Variants in UNC5D observed in about 807,000 individuals in gnomAD.
UNC5D encodes unc-5 netrin receptor D.
A neutral mutation model predicts 105.4 loss-of-function variants in UNC5D; 39 were observed. The observed-to-expected ratio is 0.37, with a 90% CI of 0.29 to 0.48. UNC5D has a LOEUF of 0.48. UNC5D is among the 20% of genes least tolerant of loss of function. The pLI is 0.98. For synonymous variants in UNC5D, 452 were observed against 450.4 expected, an observed-to-expected ratio of 1.00 and a Z score of -0.04; for missense variants, 991 against 1,202.4, an observed-to-expected ratio of 0.82 and a Z score of 2.60.
chr8:35,421,320 A>C (rs1338853445), intron 1 of UNC5D, among the ~76,000 whole-genome samples: 1 of 152,186 alleles, frequency 6.6e-6, no homozygotes, highest in African/African-American at 2.4e-5. Context: ...CTGTACCTGG[A>C]GAGCCAGTGG....
At chr8:35,338,526 T>A (rs1811220892) in intron 1 of UNC5D, among the ~76,000 whole-genome samples, 1 of 152,080 alleles carries the variant, frequency 6.6e-6, no homozygotes, top group Admixed American at 6.5e-5. Context: ...AGGTGTATAC[T>A]TATACTGAGA....
At chr8:35,557,921 C>G (rs559230823) in intron 2 of UNC5D, among the ~76,000 whole-genome samples, 62 of 152,126 alleles carry the variant, frequency 4.1e-4, no homozygotes, top group South Asian at 2.5e-3. Context: ...CACCTGAGAT[C>G]AGAAGTTCAA....
intron 1 of UNC5D, among the ~76,000 whole-genome samples, chr8:35,320,966 T>C (rs1444883992): frequency 1.3e-5 from 2 of 152,270 alleles, no homozygotes; most frequent in East Asian, 3.9e-4. Flanking sequence ...TCTCTCCTGA[T>C]TTGTCCTTTT....
At chr8:35,775,829 G>A (rs1802221101) in intron 16 of UNC5D, among the ~76,000 whole-genome samples, 2 of 152,076 alleles carry the variant, frequency 1.3e-5, no homozygotes, top group Admixed American at 1.3e-4. Context: ...GGCTCAGAGA[G>A]GAAAGTCAAG....
At chr8:35,593,122 A>G (rs1819282168) in intron 3 of UNC5D, among the ~76,000 whole-genome samples, 1 of 152,060 alleles carries the variant, frequency 6.6e-6, no homozygotes, top group Admixed American at 6.5e-5. Flanking sequence ...ATAAATAGAT[A>G]TGTATGTATT....
At chr8:35,280,298 A>T (rs563075103) in intron 1 of UNC5D, among the ~76,000 whole-genome samples, 1 of 152,254 alleles carries the variant, frequency 6.6e-6, no homozygotes, top group South Asian at 2.1e-4. Context: ...TTCTTTATTG[A>T]GGTGGATCTG....
At chr8:35,335,854 C>G (rs1810991767) in intron 1 of UNC5D, among the ~76,000 whole-genome samples, 1 of 149,590 alleles carries the variant, frequency 6.7e-6, no homozygotes, top group African/African-American at 2.5e-5. Context: ...AGCTCCGCCT[C>G]CCGGGTTCAT....
chr8:35,628,435 A>G (rs1404424187), intron 4 of UNC5D, among the ~76,000 whole-genome samples: 1 of 152,156 alleles, frequency 6.6e-6, no homozygotes, highest in Non-Finnish European at 1.5e-5. Flanking sequence ...TGCCCAGCCC[A>G]GAAAGCCCTT....
intron 4 of UNC5D, among the ~76,000 whole-genome samples, chr8:35,674,129 A>T (rs1308377646): frequency 6.6e-6 from 1 of 152,204 alleles, no homozygotes; most frequent in Non-Finnish European, 1.5e-5. Context: ...CCTGGGAGAC[A>T]ATACCCTTAC....
chr8:35,730,036 T>G (rs909644377), intron 10 of UNC5D, among the ~76,000 whole-genome samples: 1 of 152,236 alleles, frequency 6.6e-6, no homozygotes, highest in African/African-American at 2.4e-5. Context: ...GAAACTCTTC[T>G]GAGCGATTTA....
At chr8:35,467,135 G>T (rs1316412875) in intron 1 of UNC5D, among the ~76,000 whole-genome samples, 1 of 152,154 alleles carries the variant, frequency 6.6e-6, no homozygotes, top group South Asian at 2.1e-4. Context: ...CAGGTTTTGA[G>T]TGTGTAAGTT....
At chr8:35,635,567 T>C (rs577862235) in intron 4 of UNC5D, among the ~76,000 whole-genome samples, 1 of 152,210 alleles carries the variant, frequency 6.6e-6, no homozygotes, top group Admixed American at 6.5e-5. Context: ...TTGTAAGAAA[T>C]CATTTTAACA....
chr8:35,358,102 C>T (rs114606459), intron 1 of UNC5D, among the ~76,000 whole-genome samples: 2,264 of 152,172 alleles, frequency 0.015, 64 homozygotes, highest in African/African-American at 0.053. Context: ...AGAACAAGTT[C>T]CCTGTTTCCA....
At chr8:35,345,587 G>A (rs1811748885) in intron 1 of UNC5D, among the ~76,000 whole-genome samples, 1 of 151,920 alleles carries the variant, frequency 6.6e-6, no homozygotes, top group Admixed American at 6.6e-5. Flanking sequence ...GACTGTGTTG[G>A]GCATGGGAAG....
chr8:35,276,347 G>A (rs1409651785), intron 1 of UNC5D, among the ~76,000 whole-genome samples: 1 of 151,914 alleles, frequency 6.6e-6, no homozygotes, highest in African/African-American at 2.4e-5. Flanking sequence ...GAAGTTAATT[G>A]GTTGAATTAG....
At chr8:35,289,192 G>A (rs1806846748) in intron 1 of UNC5D, among the ~76,000 whole-genome samples, 1 of 152,130 alleles carries the variant, frequency 6.6e-6, no homozygotes, top group Non-Finnish European at 1.5e-5. Context: ...GAAACTAAAA[G>A]GGAGCAATGA....
At chr8:35,608,511 TG>T (rs1367328070) in intron 4 of UNC5D, among the ~76,000 whole-genome samples, 1 of 152,174 alleles carries the variant, frequency 6.6e-6, no homozygotes, top group Non-Finnish European at 1.5e-5. Flanking sequence ...GGGCTTTCAG[TG>T]TATCCATCAC....
At chr8:35,542,179 G>C (rs1815324587) in intron 1 of UNC5D, among the ~76,000 whole-genome samples, 1 of 152,168 alleles carries the variant, frequency 6.6e-6, no homozygotes, top group African/African-American at 2.4e-5. Context: ...ACTGGGGCCT[G>C]GGGAAAGAGT....
chr8:35,436,714 T>A (rs1204135241), intron 1 of UNC5D, among the ~76,000 whole-genome samples: 1 of 152,012 alleles, frequency 6.6e-6, no homozygotes, highest in Non-Finnish European at 1.5e-5. Context: ...AAGACAAAAA[T>A]TTTTTATAAC....
Sources: allele counts gnomAD v4.1 joint callset (sites outside exome capture counted in the v4.1 genomes callset), GRCh38; gene constraint gnomAD v4.1.1; transcripts MANE v1.5; gene names NCBI Gene and HGNC (gene_info 2026-07-23, HGNC 2026-07-21).